FN3KRP: variants seen among roughly 807,000 people sequenced by gnomAD.
The protein encoded by FN3KRP is ketosamine-3-kinase.
A neutral mutation model predicts 29.8 loss-of-function variants in FN3KRP; 33 were observed. That is an observed-to-expected ratio of 1.11 (90% CI 0.84 to 1.48). The LOEUF (loss-of-function observed/expected upper bound fraction) is 1.48, where lower values mean the gene tolerates loss of function less well. Among genes scored for constraint, FN3KRP ranks in the 40% most tolerant of loss-of-function variants. The pLI is 0.00. For synonymous variants in FN3KRP, 157 were observed against 155.2 expected (o/e 1.01, Z -0.09); for missense variants, 430 against 402.6 (o/e 1.07, Z -0.58).
At chr17:82,717,606 C>T (rs2046766953) in intron 1 of FN3KRP, among the ~76,000 whole-genome samples, 1 of 152,182 alleles carries the variant, frequency 6.6e-6, no homozygotes, top group Admixed American at 6.5e-5. Context: ...GTAATCCCAG[C>T]TACTCGGGAG....
intron 4 of FN3KRP, among the ~76,000 whole-genome samples, chr17:82,726,095 G>A (rs916355583): frequency 1.3e-5 from 2 of 152,076 alleles, no homozygotes; most frequent in African/African-American, 4.8e-5. Flanking sequence ...CAGGAGAATT[G>A]CTTGAACCCG....
rs1309894744 is a variant in FN3KRP at position 82,727,078 on chromosome 17, G to T, written c.837G>T (p.Leu279Phe). The T allele has an allele frequency of 1.2e-6, 2 of 1,614,132 alleles. No homozygotes were observed. The highest frequency in any genetic ancestry group is 3.3e-5 in the Admixed American group (2 of 60,014). The stretch of plus-strand genomic sequence containing the variant: ...CAGGATTCGAGAAGCGCCTTCAGTT[G>T]TATCAGCTCTTTCACTACTTGAACC... Reference protein sequence around the residue: ...KAPGFEKRLQLYQLFHYLNHW... With the variant: ...KAPGFEKRLQFYQLFHYLNHW... Residue 279 changes from leucine (L) to phenylalanine (F), a missense_variant, in exon 6 of 6, where the codon TTG becomes TTT. Transcript: ENST00000269373.
chr17:82,720,226 C>T (rs1279349935), intron 2 of FN3KRP, 46 bp from the exon 3 acceptor site: 2 of 1,505,420 alleles, frequency 1.3e-6, no homozygotes, highest in East Asian at 4.5e-5. Flanking sequence ...GGGTGTGTTG[C>T]CATTCTGTGT....
chr17:82,727,025 G>T lies in FN3KRP; in HGVS notation c.784G>T (p.Ala262Ser). Reference protein sequence around the residue: ...FGGFSSSFYSAYHGKIPKAPG... With the variant: ...FGGFSSSFYSSYHGKIPKAPG... ...GGGCTTTAGCAGCTCCTTTTACTCC[G>T]CCTACCACGGCAAAATCCCCAAGGC... Residue 262 changes from alanine (A) to serine (S), a missense_variant, in exon 6 of 6, where the codon GCC becomes TCC. Coordinates refer to ENST00000269373, the MANE Select transcript of FN3KRP (RefSeq NM_024619.4). 6.2e-7 allele frequency: 1 copy of T among 1,614,058 alleles called. No individual in the cohort carries two copies. Among genetic ancestry groups the T allele is most frequent in the Non-Finnish European group, 8.5e-7 (1 of 1,180,028 alleles).
At position 82,719,557 on chromosome 17, in the gene FN3KRP, C is replaced by A. The variant is rs1312764373; in HGVS notation, c.293+500C>A. On this transcript the variant is annotated intron_variant, in intron 2 of 5. Transcript: ENST00000269373. ...ATCACTTGAGGTCAGGAGTTTGAGACCAGCCTGGCCAATATGGTGAAACCC... is the reference window on the plus strand; with the variant it reads ...ATCACTTGAGGTCAGGAGTTTGAGAACAGCCTGGCCAATATGGTGAAACCC... 2.0e-5 allele frequency among the ~76,000 whole-genome samples: 3 copies of A among 152,208 alleles called. No individual in the cohort carries two copies. In the South Asian group the frequency reaches 6.2e-4, roughly 32 times the overall value.
intron 3 of FN3KRP, among the ~76,000 whole-genome samples, chr17:82,721,128 C>T (rs918659006): frequency 6.6e-6 from 1 of 152,142 alleles, no homozygotes; most frequent in Non-Finnish European, 1.5e-5. Flanking sequence ...ACTCTTGTCC[C>T]CCAGGCTGGA....
Position 82,718,354 on chromosome 17 carries a change from T to C in FN3KRP, c.142-552T>C, listed in dbSNP as rs963119341. On this transcript the variant is annotated intron_variant, in intron 1 of 5. Transcript: ENST00000269373. ...GGACCCAAGGGAGGAGTTGCTGTGG[T>C]CCCGGGGAGTTGGATGGAAACGGCA... 10 of 961,604 alleles carry C rather than the reference T, an allele frequency of 1.0e-5. No individual in the cohort carries two copies. In the Admixed American group the frequency reaches 4.2e-4, roughly 40 times the overall value. 59.6% of individuals were successfully genotyped at this position (961,604 alleles called of 1,614,324 possible). A position where few individuals can be genotyped will look rare whatever the true frequency, so the allele number is the denominator to read the frequency against.
At chr17:82,724,175 T>G (rs1355805312) in intron 4 of FN3KRP, among the ~76,000 whole-genome samples, 2 of 151,670 alleles carry the variant, frequency 1.3e-5, no homozygotes, top group Non-Finnish European at 2.9e-5. Flanking sequence ...GTGCCTGTAG[T>G]TCCAGCCACT....
Position 82,722,773 on chromosome 17 carries a change from T to G in FN3KRP, c.386-31T>G, listed in dbSNP as rs754088836. On this transcript the variant is annotated intron_variant, in intron 3 of 5. Coordinates refer to ENST00000269373, the MANE Select transcript of FN3KRP (RefSeq NM_024619.4). ...AGTGGGCGCTGGGATCCCTTGGAACTAATTTCCTTTCTTTTACTTTTGCTT... is the reference window on the plus strand; with the variant it reads ...AGTGGGCGCTGGGATCCCTTGGAACGAATTTCCTTTCTTTTACTTTTGCTT... 7 of 1,608,498 alleles carry G rather than the reference T, an allele frequency of 4.4e-6. No individual in the cohort carries two copies. In the South Asian group the frequency reaches 7.7e-5, roughly 18 times the overall value.
At chr17:82,720,058 C>T (rs898389441) in intron 2 of FN3KRP, among the ~76,000 whole-genome samples, 9 of 151,938 alleles carry the variant, frequency 5.9e-5, no homozygotes, top group African/African-American at 4.8e-5. Flanking sequence ...CCCAGCTACT[C>T]GGGAGGCTGA....
chr17:82,725,324 G>A (rs1374038221), intron 4 of FN3KRP, among the ~76,000 whole-genome samples: 1 of 151,756 alleles, frequency 6.6e-6, no homozygotes, highest in Non-Finnish European at 1.5e-5. Context: ...AGAGACAGGG[G>A]TCTCACTATG....
intron 3 of FN3KRP, chr17:82,720,678 A>C (rs982554669): frequency 4.3e-6 from 1 of 230,464 alleles, no homozygotes. Context: ...TGTAAAAGGC[A>C]AGACCTTTAA....
rs377585773 is a variant in FN3KRP, at chr17:82,720,228, A to G, written c.294-44A>G. ...GAGACTGAGCAGTGGGTGTGTTGCC[A>G]TTCTGTGTGTCATCTGTTTAGTTGC... is the stretch of plus-strand genomic sequence containing the variant. On this transcript the variant is annotated intron_variant, in intron 2 of 5. Transcript: ENST00000269373. 6 of 1,528,232 alleles carry G rather than the reference A, an allele frequency of 3.9e-6. No individual in the cohort carries two copies. The African/African-American group carries it at 6.8e-5, about 17-fold the overall frequency. The allele number at this position is 1,528,232 out of a possible 1,614,324, so 94.7% of individuals were successfully genotyped here. A position where few individuals can be genotyped will look rare whatever the true frequency, so the allele number is the denominator to read the frequency against.
chr17:82,724,816 A>T lies in FN3KRP; in HGVS notation c.469-1664A>T, dbSNP rs574136018. The stretch of plus-strand genomic sequence containing the variant: ...CGTGGCAATGCCTATCAAAAAAAAA[A>T]TTTTTTTTTTGAGATGGAGTCTCGC... On this transcript the variant is annotated intron_variant, in intron 4 of 5. Coordinates refer to ENST00000269373, the MANE Select transcript of FN3KRP (RefSeq NM_024619.4). Among the ~76,000 whole-genome samples, 216 of 149,776 alleles carry T rather than the reference A, an allele frequency of 1.4e-3. 2 individuals are homozygous for T. Among genetic ancestry groups the T allele is most frequent in the African/African-American group, 4.9e-3 (200 of 40,822 alleles).
intron 4 of FN3KRP, 147 bp downstream of exon 4, chr17:82,723,033 G>A (rs1169489032): frequency 2.1e-5 from 15 of 713,074 alleles, no homozygotes; most frequent in South Asian, 1.0e-4. Context: ...AGAGGTTGAC[G>A]TAAGATTGAC....
Position 82,719,045 on chromosome 17 carries a change from G to A in FN3KRP, c.281G>A (p.Arg94Lys). The change falls in exon 2 of 6, where the codon AGG (arginine) becomes AAG (lysine). Residue 94 changes from arginine (R) to lysine (K), a missense_variant. Transcript: ENST00000269373. ...SVLVMEHMDMRHLSSHAAKLG... is the reference protein window; with the variant it reads ...SVLVMEHMDMKHLSSHAAKLG... ...CTGGTGATGGAGCACATGGACATGAGGCATCTGAGCAGGTGCATCTTCACA... is the reference window on the plus strand; with the variant it reads ...CTGGTGATGGAGCACATGGACATGAAGCATCTGAGCAGGTGCATCTTCACA... 2 of 1,611,398 alleles carry A rather than the reference G, an allele frequency of 1.2e-6. No individual in the cohort carries two copies. The highest frequency in any genetic ancestry group is 1.7e-6 in the Non-Finnish European group (2 of 1,179,662).
intron 3 of FN3KRP, chr17:82,722,465 C>G (rs2046804791): frequency 4.0e-6 from 1 of 247,732 alleles, no homozygotes; most frequent in Non-Finnish European, 7.8e-6. Flanking sequence ...CCCCACACCC[C>G]CGCGTGTTGG....
At position 82,718,974 on chromosome 17, in the gene FN3KRP, G is replaced by GC; in HGVS notation, c.213dup (p.Lys72GlnfsTer42). On this transcript the variant is annotated frameshift_variant, in exon 2 of 6. Transcript: ENST00000269373. LOFTEE classifies it high-confidence loss of function. ...TCCTGAAAACAAACACGGTGAAAGT[G>GC]CCCAAGCCCATCAAGGTTCTGGATG... 1 of 1,614,188 alleles carries GC rather than the reference G, an allele frequency of 6.2e-7. No individual in the cohort carries two copies. Among genetic ancestry groups the GC allele is most frequent in the Non-Finnish European group, 8.5e-7 (1 of 1,180,020 alleles).
rs570763196 is a variant in FN3KRP, at chr17:82,716,956, C to T, written c.141+60C>T. 1.7e-4 allele frequency: 254 copies of T among 1,517,362 alleles called. 3 individuals are homozygous for T. In the Middle Eastern group the frequency reaches 6.9e-3, roughly 41 times the overall value. The allele number at this position is 1,517,362 out of a possible 1,614,324, so 94.0% of individuals were successfully genotyped here. A position where few individuals can be genotyped will look rare whatever the true frequency, so the allele number is the denominator to read the frequency against. ...TTTCTTTCCGGAGAGGGTCGCGGGC[C>T]TCGGCGCGGGGCGCGGCCTGGGCTT... is the stretch of plus-strand genomic sequence containing the variant. On this transcript the variant is annotated intron_variant, in intron 1 of 5. Coordinates refer to ENST00000269373, the MANE Select transcript of FN3KRP (RefSeq NM_024619.4).
Sources: gnomAD v4.1 joint callset for allele counts (sites outside exome capture counted in the v4.1 genomes callset) on GRCh38, gnomAD v4.1.1 for gene constraint, MANE v1.5 for transcripts, NCBI Gene and HGNC (gene_info 2026-07-23, HGNC 2026-07-21) for gene names.